EPS15L1: variants seen among roughly 807,000 people sequenced by gnomAD.
The protein encoded by EPS15L1 is epidermal growth factor receptor pathway substrate 15 like 1, also known as epidermal growth factor receptor substrate 15-like 1.
A neutral mutation model predicts 117.1 loss-of-function variants in EPS15L1; 43 were observed. That is an observed-to-expected ratio of 0.37 (90% CI 0.29 to 0.47). The LOEUF is 0.47. Among genes scored for constraint, EPS15L1 ranks in the 20% least tolerant of loss-of-function variants. The pLI, the probability that EPS15L1 is intolerant of heterozygous loss-of-function variation, is 0.99. For missense variants in EPS15L1, 981 were observed against 1,164.0 expected (o/e 0.84, Z 2.29); for synonymous variants, 459 against 470.5 (o/e 0.98, Z 0.32).
intron 1 of EPS15L1, among the ~76,000 whole-genome samples, chr19:16,459,738 T>C (rs2093230464): frequency 6.6e-6 from 1 of 152,190 alleles, no homozygotes; most frequent in Admixed American, 6.5e-5. Flanking sequence ...CTTGTATTAT[T>C]ATTCCTGAGA....
At position 16,425,289 on chromosome 19, in the gene EPS15L1, C is replaced by T; in HGVS notation, c.586G>A (p.Glu196Lys). 6.2e-7 allele frequency: 1 copy of T among 1,603,910 alleles called. No individual in the cohort carries two copies. Among genetic ancestry groups the T allele is most frequent in the Non-Finnish European group, 8.5e-7 (1 of 1,174,946 alleles). The stretch of plus-strand genomic sequence containing the variant: ...AGGGCGGAGGGCACGGGCTCCTTCT[C>T]CAGGGCTCGGTACACCAAGTGCATG... Reference protein sequence around the residue: ...VAMHLVYRALEKEPVPSALPP... With the variant: ...VAMHLVYRALKKEPVPSALPP... The change falls in exon 9 of 24, where the codon GAG becomes AAG. Residue 196 changes from glutamate (E) to lysine (K), a missense_variant. Coordinates refer to ENST00000455140, the MANE Select transcript of EPS15L1 (RefSeq NM_001258374.3).
chr19:16,402,451 C>T lies in EPS15L1; in HGVS notation c.1661G>A (p.Arg554His), dbSNP rs544786872. ...RSKLSQLHESRQEAHRSLEQY... is the reference protein window; with the variant it reads ...RSKLSQLHESHQEAHRSLEQY... Reference sequence around the variant, plus strand: ...CTCCAGGCTCCTGTGGGCCTCCTGGCGGCTTTCATGCAGCTGGGAAAGTTT... The same window carrying T: ...CTCCAGGCTCCTGTGGGCCTCCTGGTGGCTTTCATGCAGCTGGGAAAGTTT... The change falls in exon 16 of 24, where the codon CGC (arginine) becomes CAC (histidine). Residue 554 changes from arginine (R) to histidine (H), a missense_variant. Coordinates refer to ENST00000455140, the MANE Select transcript of EPS15L1 (RefSeq NM_001258374.3). 9 of 1,610,414 alleles carry T rather than the reference C, an allele frequency of 5.6e-6. No homozygotes were observed. The highest frequency in any genetic ancestry group is 2.7e-5 in the African/African-American group (2 of 74,738).
At chr19:16,377,543 A>G (rs1201314419) in intron 21 of EPS15L1, among the ~76,000 whole-genome samples, 1 of 152,082 alleles carries the variant, frequency 6.6e-6, no homozygotes, top group East Asian at 1.9e-4. Context: ...CCCCAGTCAC[A>G]CGAGGCACAC....
chr19:16,393,648 CAAAAAAA>C (rs919891560), intron 18 of EPS15L1, among the ~76,000 whole-genome samples: 3 of 81,624 alleles, frequency 3.7e-5, no homozygotes, highest in Non-Finnish European at 5.2e-5. Context: ...GACTCCGTCT[CAAAAAAA>C]AAAAAAATAA....
At chr19:16,409,313 T>A (rs1173816489) in intron 13 of EPS15L1, among the ~76,000 whole-genome samples, 1 of 152,154 alleles carries the variant, frequency 6.6e-6, no homozygotes, top group East Asian at 1.9e-4. Flanking sequence ...TGACATTGCA[T>A]CCCTGCCTTA....
At chr19:16,420,974 C>G (rs2092808169) in intron 10 of EPS15L1, among the ~76,000 whole-genome samples, 1 of 152,262 alleles carries the variant, frequency 6.6e-6, no homozygotes, top group African/African-American at 2.4e-5. Flanking sequence ...GCCCGCACCT[C>G]CCGGAGGCGG....
rs1256534225 is a variant in EPS15L1, at chr19:16,405,939, C to A, written c.1267-1190G>T. On this transcript the variant is annotated intron_variant, in intron 13 of 23. Transcript: ENST00000455140. This position sits in a 1 kb window ranked among gnomAD's most constrained non-coding sequence, Gnocchi z 4.0. ...TCCAGCTGCCATGTGGAGCGTGGTG[C>A]AAGGGGCCATCAGGACGCAGGAACT... Among the ~76,000 whole-genome samples, 1 of 152,198 alleles carries A rather than the reference C, an allele frequency of 6.6e-6. No individual in the cohort carries two copies. The highest frequency in any genetic ancestry group is 1.9e-4 in the East Asian group (1 of 5,196).
At position 16,381,729 on chromosome 19, in the gene EPS15L1, C is replaced by A. The variant is rs1599552220; in HGVS notation, c.2247+3400G>T. Among the ~76,000 whole-genome samples the A allele has an allele frequency of 6.6e-6, 1 of 152,262 alleles. No homozygotes were observed. Among genetic ancestry groups the A allele is most frequent in the East Asian group, 1.9e-4 (1 of 5,180 alleles). ...CCTGCAGCTTAGCTTTAAAATGGGCCGTTTAGGGTCGGCTGTTTGGGAAAG... is the reference window on the plus strand; with the variant it reads ...CCTGCAGCTTAGCTTTAAAATGGGCAGTTTAGGGTCGGCTGTTTGGGAAAG... On this transcript the variant is annotated intron_variant, in intron 21 of 23. Coordinates refer to ENST00000455140, the MANE Select transcript of EPS15L1 (RefSeq NM_001258374.3). The surrounding 1 kb of genome is among the most constrained non-coding windows in gnomAD (Gnocchi z 4.2).
Position 16,385,165 on chromosome 19 carries a change from A to G in EPS15L1, c.2211T>C (p.Ser737=). 2 of 1,614,200 alleles carry G rather than the reference A, an allele frequency of 1.2e-6. No homozygotes were observed. The highest frequency in any genetic ancestry group is 1.7e-6 in the Non-Finnish European group (2 of 1,180,034). Residue 737 remains serine, a synonymous_variant, in exon 21 of 24, where the codon AGT becomes AGC. Transcript: ENST00000455140. ...LDPFGSGSFN[S]AEGFADFSQM... is the part of the protein sequence containing the mutation. ...GGCTGAAGTCGGCAAAGCCTTCAGC[A>G]CTATTGAAGGACCCACTTCCGAAGG... is the stretch of plus-strand genomic sequence containing the variant.
In EPS15L1 at chr19:16,441,971, G is replaced by A. The variant is rs1394274344; in HGVS notation, c.86C>T (p.Ala29Val). The A allele has an allele frequency of 1.2e-6, 2 of 1,613,226 alleles. No homozygotes were observed. Among genetic ancestry groups the A allele is most frequent in the African/African-American group, 1.3e-5 (1 of 74,912 alleles). The change falls in exon 3 of 24, where the codon GCA (alanine) becomes GTA (valine). Residue 29 changes from alanine to valine, a missense_variant. By Grantham distance (64) the Ala-to-Val change is moderately conservative (BLOSUM62 0). Transcript: ENST00000455140. ...YESYYKQVDP[A>V]YTGRVGASEA... is the part of the protein sequence containing the mutation. ...ACTCGCCCCCACCCTCCCTGTGTAT[G>A]CCGGATCGACCTGAAATGGGAGACC...
At chr19:16,453,898 A>G (rs1327515542) in intron 1 of EPS15L1, among the ~76,000 whole-genome samples, 3 of 152,074 alleles carry the variant, frequency 2.0e-5, no homozygotes, top group Non-Finnish European at 4.4e-5. Context: ...AAAAAAAAAA[A>G]AAGGCCATTT....
Position 16,414,227 on chromosome 19 carries a change from C to G in EPS15L1, c.1194-382G>C, listed in dbSNP as rs544976111. On this transcript the variant is annotated intron_variant, in intron 12 of 23. Transcript: ENST00000455140. ...AGCATGGAGTGGCCCTGGCTGACCT[C>G]AGAAAGGAAAAAGAGACCTCGGACC... is the stretch of plus-strand genomic sequence containing the variant. 1.2e-4 allele frequency among the ~76,000 whole-genome samples: 18 copies of G among 152,110 alleles called. 2 individuals are homozygous for G. The highest frequency in any genetic ancestry group is 1.2e-3 in the Admixed American group (18 of 15,268).
At chr19:16,358,320 CTG>C (rs2092009409) in intron 23 of EPS15L1, 1 of 153,068 alleles carries the variant, frequency 6.5e-6, no homozygotes, top group African/African-American at 2.4e-5. Context: ...GCACGCTGGG[CTG>C]TGAGGCCTGG....
At chr19:16,412,307 C>G (rs952621717) in intron 13 of EPS15L1, among the ~76,000 whole-genome samples, 17 of 152,084 alleles carry the variant, frequency 1.1e-4, no homozygotes, top group Admixed American at 9.2e-4. Flanking sequence ...TAAGACCATC[C>G]TAGCCAACAT....
chr19:16,401,018 G>T (rs865969580), intron 16 of EPS15L1: 61 of 985,274 alleles, frequency 6.2e-5, no homozygotes, highest in Non-Finnish European at 7.1e-5. Flanking sequence ...AAACACACAC[G>T]CCAAGAACAG....
chr19:16,426,412 T>A (rs1399392519), intron 8 of EPS15L1, among the ~76,000 whole-genome samples: 1 of 152,088 alleles, frequency 6.6e-6, no homozygotes. Flanking sequence ...GACGGGCAGA[T>A]CACCTGAGGT....
chr19:16,381,689 G>A lies in EPS15L1; in HGVS notation c.2247+3440C>T, dbSNP rs1225471866. ...TTGTCCCCAGGCCTGTCCGAGACAT[G>A]AGGGGCAGTGTCGGCCTGCAGCTTA... On this transcript the variant is annotated intron_variant, in intron 21 of 23. Transcript: ENST00000455140. This position sits in a 1 kb window ranked among gnomAD's most constrained non-coding sequence, Gnocchi z 4.2. Among the ~76,000 whole-genome samples, 1 of 152,204 alleles carries A rather than the reference G, an allele frequency of 6.6e-6. No individual in the cohort carries two copies. The highest frequency in any genetic ancestry group is 1.5e-5 in the Non-Finnish European group (1 of 68,042).
intron 6 of EPS15L1, chr19:16,436,707 C>A: frequency 2.2e-6 from 1 of 449,590 alleles, no homozygotes; most frequent in Non-Finnish European, 4.0e-6. Flanking sequence ...AGGTAGGCAA[C>A]TCCCAATTCC....
intron 12 of EPS15L1, among the ~76,000 whole-genome samples, chr19:16,414,845 G>A (rs552233170): frequency 6.6e-6 from 1 of 151,968 alleles, no homozygotes; most frequent in East Asian, 1.9e-4. Context: ...GAGTAGCTAG[G>A]ACCACAGGTG....
Sources: gnomAD v4.1 joint callset for allele counts (sites outside exome capture counted in the v4.1 genomes callset) on GRCh38, gnomAD v4.1.1 for gene constraint, Gnocchi (gnomAD v3.1) non-coding constraint, MANE v1.5 for transcripts, NCBI Gene and HGNC (gene_info 2026-07-23, HGNC 2026-07-21) for gene names.